Variants in N4BP2L2 observed in about 807,000 individuals in gnomAD.
N4BP2L2 encodes NEDD4 binding protein 2 like 2, also known as NEDD4-binding protein 2-like 2.
A neutral mutation model predicts 56.2 loss-of-function variants in N4BP2L2; 50 were observed. The observed-to-expected ratio is 0.89, with a 90% CI of 0.71 to 1.13. The LOEUF (loss-of-function observed/expected upper bound fraction) is 1.13. Among genes scored for constraint, N4BP2L2 ranks in the 50% most tolerant of loss-of-function variants. The probability of loss-of-function intolerance (pLI) is 0.00; values close to 1 mark genes in which losing one functional copy is unlikely to be tolerated. For synonymous variants in N4BP2L2, 203 were observed against 223.6 expected (o/e 0.91, Z 0.82); for missense variants, 689 against 693.8 (o/e 0.99, Z 0.08).
intron 2 of N4BP2L2, among the ~76,000 whole-genome samples, chr13:32,528,974 C>G (rs1164589528): frequency 6.6e-6 from 1 of 152,156 alleles, no homozygotes; most frequent in Non-Finnish European, 1.5e-5. Context: ...TATGCACATC[C>G]TCCCATACAC....
chr13:32,446,829 A>G (rs891348181), intron 6 of N4BP2L2, among the ~76,000 whole-genome samples: 1 of 152,186 alleles, frequency 6.6e-6, no homozygotes, highest in Non-Finnish European at 1.5e-5. Flanking sequence ...ATTGCTTTAC[A>G]TGTACCAATT....
At chr13:32,504,594 A>G (rs2090606050) in intron 6 of N4BP2L2, 1 of 152,216 alleles carries the variant, frequency 6.6e-6, no homozygotes, top group Non-Finnish European at 1.5e-5. Context: ...TGGAGAGCAT[A>G]CAATTCAACC....
At chr13:32,495,540 T>A (rs573593023) in intron 6 of N4BP2L2, among the ~76,000 whole-genome samples, 1 of 152,280 alleles carries the variant, frequency 6.6e-6, no homozygotes, top group African/African-American at 2.4e-5. Flanking sequence ...GCAACTCAAA[T>A]GGGTCTGGAA....
chr13:32,524,239 T>C (rs1317022515), intron 3 of N4BP2L2: 2 of 152,254 alleles, frequency 1.3e-5, no homozygotes, highest in Non-Finnish European at 2.9e-5. Flanking sequence ...CTGCTCCGTC[T>C]CTAATCATAG....
At chr13:32,510,924 G>A (rs1220665578) in exon 6 of N4BP2L2, 1 of 151,050 alleles carries the variant, frequency 6.6e-6, no homozygotes, top group Non-Finnish European at 1.5e-5. Context: ...CATAAAGATG[G>A]AATCAACTCT....
At chr13:32,433,940 A>G (rs938345669) in intron 9 of N4BP2L2, among the ~76,000 whole-genome samples, 12 of 150,630 alleles carry the variant, frequency 8.0e-5, no homozygotes, top group African/African-American at 2.7e-4. Context: ...TCAAAAAAAA[A>G]AAAAAAAAAA....
At chr13:32,529,268 T>G (rs1240602080) in intron 2 of N4BP2L2, among the ~76,000 whole-genome samples, 1 of 152,224 alleles carries the variant, frequency 6.6e-6, no homozygotes, top group African/African-American at 2.4e-5. Flanking sequence ...AATTGCAGTT[T>G]TTGCCATTAA....
intron 6 of N4BP2L2, among the ~76,000 whole-genome samples, chr13:32,469,276 G>A (rs2081847675): frequency 6.6e-6 from 1 of 152,200 alleles, no homozygotes; most frequent in African/African-American, 2.4e-5. Context: ...GTAACTGGTG[G>A]CAGCTGTGCT....
intron 6 of N4BP2L2, among the ~76,000 whole-genome samples, chr13:32,454,452 CATATT>C (rs924124346): frequency 1.3e-5 from 2 of 151,730 alleles, no homozygotes; most frequent in East Asian, 1.9e-4. Flanking sequence ...ACAGATTTCC[CATATT>C]ATATTATTTA....
intron 6 of N4BP2L2, among the ~76,000 whole-genome samples, chr13:32,493,805 A>G (rs2087781173): frequency 6.6e-6 from 1 of 152,248 alleles, no homozygotes; most frequent in African/African-American, 2.4e-5. Context: ...AGACTTATTG[A>G]TGAACTATTA....
chr13:32,445,279 A>G (rs1300846722), intron 6 of N4BP2L2, among the ~76,000 whole-genome samples: 2 of 152,152 alleles, frequency 1.3e-5, no homozygotes, highest in Non-Finnish European at 2.9e-5. Flanking sequence ...TAAATAAATA[A>G]AAACATATCT....
chr13:32,465,539 CAA>C (rs997553278), intron 6 of N4BP2L2, among the ~76,000 whole-genome samples: 4 of 150,046 alleles, frequency 2.7e-5, no homozygotes, highest in Admixed American at 6.6e-5. Flanking sequence ...CACACAGCCA[CAA>C]AAAGAGTTTC....
chr13:32,442,774 G>A (rs1250570511), exon 7 of N4BP2L2: 4 of 1,613,554 alleles, frequency 2.5e-6, no homozygotes, highest in Non-Finnish European at 3.4e-6. Flanking sequence ...GTATAAAGAT[G>A]CAGAGCACCT....
rs1448202196 is a variant in N4BP2L2, at chr13:32,537,866, C to G, written c.-1+752G>C. On this transcript the variant is annotated intron_variant, in intron 1 of 5. Transcript: ENST00000267068. ...GCGGGCGGATTGCTGCTTAGGAGTT[C>G]GAGACCAGCCTGGCAACATGGCCTA... is the stretch of plus-strand genomic sequence containing the variant. Among the ~76,000 whole-genome samples the G allele has an allele frequency of 2.0e-5, 3 of 152,006 alleles. No homozygotes were observed. In the East Asian group the frequency reaches 5.8e-4, roughly 29 times the overall value.
intron 6 of N4BP2L2, among the ~76,000 whole-genome samples, chr13:32,485,138 C>T (rs1198665549): frequency 6.6e-6 from 1 of 152,140 alleles, no homozygotes. Context: ...TCTCACCTTC[C>T]TTGTTATTTT....
In N4BP2L2 at chr13:32,464,109, A is replaced by G. The variant is rs972260493; in HGVS notation, c.366-19983T>C. On this transcript the variant is annotated intron_variant, in intron 6 of 9. Transcript: ENST00000357505. ...TGTAAGTCTTTTTTCCACATGATTTAAAAGACAACTACATAAAACAATATT... is the reference window on the plus strand; with the variant it reads ...TGTAAGTCTTTTTTCCACATGATTTGAAAGACAACTACATAAAACAATATT... Among the ~76,000 whole-genome samples, 7 of 152,324 alleles carry G rather than the reference A, an allele frequency of 4.6e-5. No homozygotes were observed. In the East Asian group the frequency reaches 5.8e-4, roughly 13 times the overall value.
chr13:32,471,791 A>T (rs776460433), intron 6 of N4BP2L2, among the ~76,000 whole-genome samples: 3 of 152,238 alleles, frequency 2.0e-5, no homozygotes, highest in Non-Finnish European at 4.4e-5. Context: ...GCTGCTGAAT[A>T]AAGCCATACT....
At chr13:32,516,425 T>C (rs2049223094) in exon 6 of N4BP2L2, 1 of 152,226 alleles carries the variant, frequency 6.6e-6, no homozygotes, top group South Asian at 2.1e-4. Context: ...TAAAATCATA[T>C]TCTTATTTCA....
At chr13:32,511,697 C>T (rs986552883) in exon 6 of N4BP2L2, 6 of 152,052 alleles carry the variant, frequency 3.9e-5, no homozygotes, top group African/African-American at 1.2e-4. Context: ...TATTATCTCC[C>T]GCTTTGCCAG....
Sources: allele counts gnomAD v4.1 joint callset (sites outside exome capture counted in the v4.1 genomes callset), GRCh38; gene constraint gnomAD v4.1.1; transcripts MANE v1.5; gene names NCBI Gene and HGNC (gene_info 2026-07-23, HGNC 2026-07-21).